MS4A1: variants seen among roughly 807,000 people sequenced by gnomAD.
MS4A1 encodes the protein B-lymphocyte antigen CD20.
A neutral mutation model predicts 26.5 loss-of-function variants in MS4A1; 16 were observed. The observed-to-expected ratio is 0.60, with a 90% CI of 0.41 to 0.92. MS4A1 has a LOEUF of 0.92. Ranked by LOEUF, MS4A1 falls within the 40% of genes least tolerant of loss-of-function variation. MS4A1 has a pLI of 0.00. For synonymous variants in MS4A1, 128 were observed against 117.6 expected, an observed-to-expected ratio of 1.09 and a Z score of -0.57; for missense variants, 350 against 353.0, an observed-to-expected ratio of 0.99 and a Z score of 0.07.
chr11:60,463,056 A>T lies in MS4A1; in HGVS notation c.214A>T (p.Ile72Phe). Residue 72 changes from isoleucine (I) to phenylalanine (F), a missense_variant, in exon 4 of 8, where the codon ATC (isoleucine) becomes TTC (phenylalanine). Transcript: ENST00000345732. ...FHIALGGLLMIPAGIYAPICV... is the reference protein window; with the variant it reads ...FHIALGGLLMFPAGIYAPICV... ...CATTGCCCTGGGGGGTCTTCTGATG[A>T]TCCCAGCAGGGATCTATGCACCCAT... The T allele has an allele frequency of 1.2e-6, 2 of 1,614,108 alleles. No individual in the cohort carries two copies. Among genetic ancestry groups the T allele is most frequent in the Non-Finnish European group, 1.7e-6 (2 of 1,180,012 alleles).
Position 60,468,238 on chromosome 11 carries a change from T to A in MS4A1, c.676-12T>A. 6.3e-7 allele frequency: 1 copy of A among 1,593,782 alleles called. No individual in the cohort carries two copies. The highest frequency in any genetic ancestry group is 8.6e-7 in the Non-Finnish European group (1 of 1,164,024). ...AAAAGTAAAGAATGGTTTGTTTAATTTTCTGTTTTAGAACATAGTTCTCCT... is the reference window on the plus strand; with the variant it reads ...AAAAGTAAAGAATGGTTTGTTTAATATTCTGTTTTAGAACATAGTTCTCCT... On this transcript the variant is annotated splice_polypyrimidine_tract_variant and intron_variant, in intron 7 of 7. Transcript: ENST00000345732.
chr11:60,466,490 C>G (rs1462729178), intron 6 of MS4A1: 1 of 357,832 alleles, frequency 2.8e-6, no homozygotes, highest in Non-Finnish European at 5.2e-6. Flanking sequence ...TAATATTTAC[C>G]ATTATATTAA....
rs1470583292 is a variant in MS4A1, at chr11:60,470,603, G to A, written c.*2135G>A. 1 of 151,864 alleles carries A rather than the reference G, an allele frequency of 6.6e-6. No homozygotes were observed. Among genetic ancestry groups the A allele is most frequent in the African/African-American group, 2.4e-5 (1 of 41,386 alleles). 9.4% of individuals were successfully genotyped at this position (151,864 alleles called of 1,614,324 possible). A position where few individuals can be genotyped will look rare whatever the true frequency, so the allele number is the denominator to read the frequency against. On this transcript the variant is annotated 3_prime_UTR_variant, in exon 8 of 8. Coordinates refer to ENST00000345732, the MANE Select transcript of MS4A1 (RefSeq NM_152866.3). ...CCCCGATTATCCCTTTGGCAATATA[G>A]AGTCAAATAATAACATTGACCAATA...
At chr11:60,465,073 ACACT>A (rs2086279801) in intron 5 of MS4A1, among the ~76,000 whole-genome samples, 1 of 152,244 alleles carries the variant, frequency 6.6e-6, no homozygotes, top group Non-Finnish European at 1.5e-5. Flanking sequence ...GTGGCCTGAC[ACACT>A]CAGTTTGGGG....
chr11:60,462,954 G>A, intron 3 of MS4A1, 48 bp from the exon 4 acceptor site: 1 of 1,609,878 alleles, frequency 6.2e-7, no homozygotes, highest in Non-Finnish European at 8.5e-7. Flanking sequence ...TTGCCTGCTA[G>A]CAGTGATGAT....
chr11:60,462,048 A>G (rs2135196686), intron 2 of MS4A1, 137 bp from the exon 3 acceptor site: 6 of 406,036 alleles, frequency 1.5e-5, no homozygotes, highest in South Asian at 1.1e-4. Context: ...ATAAGAAACA[A>G]AGAGGACATG....
intron 4 of MS4A1, chr11:60,463,827 A>G (rs1324013727): frequency 4.4e-6 from 2 of 455,598 alleles, no homozygotes; most frequent in African/African-American, 2.0e-5. Context: ...CAATGTTTTC[A>G]TGGAGTGCCT....
intron 4 of MS4A1, 46 bp from the exon 5 acceptor site, chr11:60,464,242 G>A (rs200616675): frequency 6.5e-5 from 91 of 1,390,474 alleles, no homozygotes; most frequent in Non-Finnish European, 8.7e-5. Context: ...TCTATCTCCT[G>A]TCTTGCCCAC....
intron 7 of MS4A1, among the ~76,000 whole-genome samples, chr11:60,467,682 G>GTCT (rs200279979): frequency 2.1e-5 from 2 of 93,064 alleles, no homozygotes; most frequent in Non-Finnish European, 4.3e-5. Flanking sequence ...GAAGGTTGAA[G>GTCT]GCTAAGTCAC....
At chr11:60,456,504 A>C (rs2086204525) in intron 1 of MS4A1, among the ~76,000 whole-genome samples, 1 of 152,224 alleles carries the variant, frequency 6.6e-6, no homozygotes, top group Non-Finnish European at 1.5e-5. Flanking sequence ...AGGTGGCTTT[A>C]CAGGCTAACA....
chr11:60,467,368 C>A (rs2086302173), intron 7 of MS4A1, among the ~76,000 whole-genome samples: 1 of 151,204 alleles, frequency 6.6e-6, no homozygotes, highest in African/African-American at 2.4e-5. Context: ...ACCTCTGCCT[C>A]CGGGTTCAGG....
intron 2 of MS4A1, among the ~76,000 whole-genome samples, chr11:60,461,554 CTG>C (rs2086248156): frequency 6.6e-6 from 1 of 151,662 alleles, no homozygotes; most frequent in Non-Finnish European, 1.5e-5. Context: ...GAGTCTCACT[CTG>C]TTACCCAGGC....
At chr11:60,456,427 A>G (rs2086203937) in intron 1 of MS4A1, among the ~76,000 whole-genome samples, 1 of 152,210 alleles carries the variant, frequency 6.6e-6, no homozygotes, top group Non-Finnish European at 1.5e-5. Flanking sequence ...GGCATAATGA[A>G]AAAAACTCCA....
chr11:60,468,539 T>C lies in MS4A1; in HGVS notation c.*71T>C. ...ATAGCTTCCAAGAGACATGCTGACT[T>C]TCATTTCTTGAGGTACTCTGCACAT... is the stretch of plus-strand genomic sequence containing the variant. On this transcript the variant is annotated 3_prime_UTR_variant, in exon 8 of 8. Coordinates refer to ENST00000345732, the MANE Select transcript of MS4A1 (RefSeq NM_152866.3). 1 of 1,454,998 alleles carries C rather than the reference T, an allele frequency of 6.9e-7. No individual in the cohort carries two copies. The highest frequency in any genetic ancestry group is 1.4e-5 in the African/African-American group (1 of 71,016). 90.1% of individuals were successfully genotyped at this position (1,454,998 alleles called of 1,614,324 possible).
intron 1 of MS4A1, among the ~76,000 whole-genome samples, chr11:60,456,413 C>T (rs1236617444): frequency 1.3e-5 from 2 of 152,138 alleles, no homozygotes; most frequent in East Asian, 1.9e-4. Flanking sequence ...AATAATCAGT[C>T]ATAGGCATAA....
In MS4A1 at chr11:60,468,655, CT is replaced by C; in HGVS notation, c.*189del. 1.6e-6 allele frequency: 1 copy of C among 630,804 alleles called. No homozygotes were observed. Among genetic ancestry groups the C allele is most frequent in the South Asian group, 2.0e-5 (1 of 50,460 alleles). The allele number at this position is 630,804 out of a possible 1,614,324, so 39.1% of individuals were successfully genotyped here. A position where few individuals can be genotyped will look rare whatever the true frequency, so the allele number is the denominator to read the frequency against. On this transcript the variant is annotated 3_prime_UTR_variant, in exon 8 of 8. Transcript: ENST00000345732. ...GTAGAGAATGTAGCCATTGTAGCAG[CT>C]TGTGTTGTCACGCTTCTTCTTTTGA...
rs1473226028 is a variant in MS4A1, at chr11:60,462,303, G to T, written c.-72G>T. 6.4e-7 allele frequency: 1 copy of T among 1,552,094 alleles called. No individual in the cohort carries two copies. Among genetic ancestry groups the T allele is most frequent in the Admixed American group, 1.7e-5 (1 of 59,702 alleles). On this transcript the variant is annotated 5_prime_UTR_variant, in exon 3 of 8. Coordinates refer to ENST00000345732, the MANE Select transcript of MS4A1 (RefSeq NM_152866.3). ...CATTCAGATGCATGACACAAGGTAA[G>T]ACTGCCAAAAATCTTGTTCTTGCTC...
At position 60,462,195 on chromosome 11, in the gene MS4A1, T is replaced by G. The variant is rs2086253031; in HGVS notation, c.-180T>G. 1 of 722,548 alleles carries G rather than the reference T, an allele frequency of 1.4e-6. No individual in the cohort carries two copies. The highest frequency in any genetic ancestry group is 2.0e-5 in the Admixed American group (1 of 49,378). 44.8% of individuals were successfully genotyped at this position (722,548 alleles called of 1,614,324 possible). A position where few individuals can be genotyped will look rare whatever the true frequency, so the allele number is the denominator to read the frequency against. ...CATCTCCTTTCTCAGAACTCAGCAG[T>G]AGGCCTTGCCTCAGATCCAAGGTCA... On this transcript the variant is annotated 5_prime_UTR_variant, in exon 3 of 8. Transcript: ENST00000345732.
intron 2 of MS4A1, 25 bp downstream of exon 2, chr11:60,461,185 C>T (rs1264958364): frequency 2.0e-5 from 3 of 151,418 alleles, no homozygotes; most frequent in African/African-American, 4.8e-5. Context: ...TGATCAATGC[C>T]GTAAAGCAAT....
Sources: allele counts gnomAD v4.1 joint callset (sites outside exome capture counted in the v4.1 genomes callset), GRCh38; gene constraint gnomAD v4.1.1; transcripts MANE v1.5; gene names NCBI Gene and HGNC (gene_info 2026-07-23, HGNC 2026-07-21).